Variants in ADK observed in about 807,000 individuals in gnomAD.
ADK encodes adenosine kinase.
In ADK, 24 loss-of-function variants were observed where a neutral mutation model predicts 44.7. That is an observed-to-expected ratio of 0.54 (90% CI 0.39 to 0.76). The LOEUF (loss-of-function observed/expected upper bound fraction) is 0.76. Among genes scored for constraint, ADK ranks in the 30% least tolerant of loss-of-function variants. The pLI, the probability that ADK is intolerant of heterozygous loss-of-function variation, is 0.00. For synonymous variants in ADK, 128 were observed against 142.6 expected (o/e 0.90, Z 0.73); for missense variants, 321 against 425.1 (o/e 0.76, Z 2.15).
intron 6 of ADK, among the ~76,000 whole-genome samples, chr10:74,426,874 T>C (rs1433184076): frequency 1.3e-5 from 2 of 152,118 alleles, no homozygotes; most frequent in African/African-American, 4.8e-5. Context: ...ACATGTGCCA[T>C]GGTGGTTTGC....
At chr10:74,495,010 C>T (rs1329460957) in intron 6 of ADK, among the ~76,000 whole-genome samples, 1 of 152,084 alleles carries the variant, frequency 6.6e-6, no homozygotes, top group Admixed American at 6.5e-5. Flanking sequence ...AACCATTGCT[C>T]TATTATATTC....
chr10:74,491,856 TG>T (rs1847503142), intron 6 of ADK, among the ~76,000 whole-genome samples: 1 of 152,158 alleles, frequency 6.6e-6, no homozygotes, highest in African/African-American at 2.4e-5. Context: ...GTTAGGAGTA[TG>T]GGGCTATGGA....
chr10:74,548,574 C>A (rs1282153542), intron 7 of ADK, among the ~76,000 whole-genome samples: 1 of 152,144 alleles, frequency 6.6e-6, no homozygotes, highest in Non-Finnish European at 1.5e-5. Flanking sequence ...TTTTATCTGG[C>A]AACCCTACCA....
chr10:74,519,835 G>A (rs1055115438), intron 6 of ADK, among the ~76,000 whole-genome samples: 51 of 151,648 alleles, frequency 3.4e-4, no homozygotes, highest in African/African-American at 1.2e-3. Context: ...AGATACTAAC[G>A]CTTTGTCTTG....
chr10:74,540,609 G>A (rs1387568422), intron 7 of ADK, among the ~76,000 whole-genome samples: 3 of 151,932 alleles, frequency 2.0e-5, no homozygotes, highest in East Asian at 1.9e-4. Context: ...ACAGGAATGC[G>A]CCATCACACT....
intron 6 of ADK, among the ~76,000 whole-genome samples, chr10:74,469,056 G>A (rs1411275829): frequency 2.6e-5 from 4 of 152,046 alleles, no homozygotes; most frequent in Non-Finnish European, 5.9e-5. Flanking sequence ...TCCCACTTTA[G>A]GCTGTACATG....
At chr10:74,608,078 A>G (rs965860881) in intron 9 of ADK, among the ~76,000 whole-genome samples, 1 of 151,660 alleles carries the variant, frequency 6.6e-6, no homozygotes, top group Admixed American at 6.6e-5. Flanking sequence ...TTTCAGCTCT[A>G]TCAGGTCATT....
At chr10:74,277,559 G>C (rs1262087419) in intron 3 of ADK, among the ~76,000 whole-genome samples, 1 of 151,928 alleles carries the variant, frequency 6.6e-6, no homozygotes, top group Non-Finnish European at 1.5e-5. Flanking sequence ...ACCATGCCTG[G>C]GTAATATTTT....
intron 4 of ADK, among the ~76,000 whole-genome samples, chr10:74,316,462 C>T (rs1294527891): frequency 6.6e-6 from 1 of 152,124 alleles, no homozygotes. Context: ...GGTGCAGTTT[C>T]CTTCATGCTA....
intron 10 of ADK, among the ~76,000 whole-genome samples, chr10:74,673,253 G>T (rs1855249350): frequency 6.6e-6 from 1 of 152,226 alleles, no homozygotes; most frequent in Non-Finnish European, 1.5e-5. Flanking sequence ...AGAATCGATT[G>T]CACTACAGAG....
In ADK at chr10:74,300,300, TTCCTTCCTTCTTTCC is replaced by T. The variant is rs1192890775; in HGVS notation, c.195-14365_195-14351del. 1.6e-4 allele frequency among the ~76,000 whole-genome samples: 13 copies of T among 82,978 alleles called. No individual in the cohort carries two copies. In the East Asian group the frequency reaches 1.7e-3, roughly 11 times the overall value. 54.4% of individuals were successfully genotyped at this position (82,978 alleles called of 152,430 possible). A position where few individuals can be genotyped will look rare whatever the true frequency, so the allele number is the denominator to read the frequency against. On this transcript the variant is annotated intron_variant, in intron 3 of 10. Coordinates refer to ENST00000539909, the MANE Select transcript of ADK (RefSeq NM_006721.4). ...CTTCCTTCCTTCCTTCCTTCCTTCCTTCCTTCCTTCTTTCCTTCCTTCCTTCCTTCCTTCCTTCCT... is the reference window on the plus strand; with the variant it reads ...CTTCCTTCCTTCCTTCCTTCCTTCCTTTCCTTCCTTCCTTCCTTCCTTCCT...
Position 74,345,573 on chromosome 10 carries a change from G to T in ADK, c.273+30828G>T, listed in dbSNP as rs1007912173. 2.0e-5 allele frequency among the ~76,000 whole-genome samples: 3 copies of T among 152,240 alleles called. 1 individual carries two copies. The highest frequency in any genetic ancestry group is 4.1e-4 in the South Asian group (2 of 4,824). On this transcript the variant is annotated intron_variant, in intron 4 of 10. Coordinates refer to ENST00000539909, the MANE Select transcript of ADK (RefSeq NM_006721.4). Reference sequence around the variant, plus strand: ...AACCCCTGCCTTGGCATCTCAAAGTGCTGGGTTTACAGATGTGAGCCACCA... The same window carrying T: ...AACCCCTGCCTTGGCATCTCAAAGTTCTGGGTTTACAGATGTGAGCCACCA...
intron 4 of ADK, chr10:74,372,498 G>A: frequency 2.5e-6 from 1 of 406,122 alleles, no homozygotes; most frequent in Non-Finnish European, 4.6e-6. Context: ...AAAAAGTAAT[G>A]CATTCAGCAA....
chr10:74,608,011 C>T (rs1564817019), intron 9 of ADK, among the ~76,000 whole-genome samples: 1 of 151,352 alleles, frequency 6.6e-6, no homozygotes, highest in African/African-American at 2.4e-5. Context: ...CTTTCTTCTG[C>T]TTGATCAATT....
intron 4 of ADK, chr10:74,371,611 G>A (rs1435859364): frequency 5.7e-6 from 6 of 1,057,474 alleles, no homozygotes; most frequent in Admixed American, 3.4e-5. Context: ...ACCTGCTTAG[G>A]TGGTACCAAT....
At chr10:74,638,871 T>G (rs1853721571) in intron 9 of ADK, among the ~76,000 whole-genome samples, 1 of 152,038 alleles carries the variant, frequency 6.6e-6, no homozygotes, top group Non-Finnish European at 1.5e-5. Context: ...GTGGCACAAT[T>G]ACAGCTCACT....
chr10:74,203,483 C>T (rs567503747), intron 2 of ADK, among the ~76,000 whole-genome samples: 2 of 152,100 alleles, frequency 1.3e-5, no homozygotes, highest in South Asian at 4.2e-4. Context: ...TTCAGCCTCC[C>T]AAGTAACTGA....
intron 7 of ADK, among the ~76,000 whole-genome samples, chr10:74,542,259 C>A (rs1230635007): frequency 6.6e-6 from 1 of 152,174 alleles, no homozygotes; most frequent in East Asian, 1.9e-4. Context: ...CTTGTGAAAT[C>A]TTGAGTCAGA....
At chr10:74,618,801 T>A (rs1852872415) in intron 9 of ADK, among the ~76,000 whole-genome samples, 1 of 152,184 alleles carries the variant, frequency 6.6e-6, no homozygotes, top group Non-Finnish European at 1.5e-5. Flanking sequence ...TTAGAATTTG[T>A]CAAACTTTAA....
Sources: allele counts gnomAD v4.1 joint callset (sites outside exome capture counted in the v4.1 genomes callset), GRCh38; gene constraint gnomAD v4.1.1; transcripts MANE v1.5; gene names NCBI Gene and HGNC (gene_info 2026-07-23, HGNC 2026-07-21).